The following MACROD2 variants were observed in gnomAD, a reference collection of about 807,000 sequenced individuals.
The protein encoded by MACROD2 is ADP-ribose glycohydrolase MACROD2.
MACROD2 carries 36 observed loss-of-function variants against 70.4 expected under a neutral mutation model. That is an observed-to-expected ratio of 0.51 (90% CI 0.39 to 0.68). The LOEUF (loss-of-function observed/expected upper bound fraction) is 0.68, where lower values mean the gene tolerates loss of function less well. Ranked by LOEUF, MACROD2 falls within the 30% of genes least tolerant of loss-of-function variation. The pLI is 0.00. For synonymous variants in MACROD2, 172 were observed against 178.8 expected (o/e 0.96, Z 0.30); for missense variants, 496 against 538.4 (o/e 0.92, Z 0.78).
At chr20:14,712,520 T>C (rs2071350220) in intron 5 of MACROD2, among the ~76,000 whole-genome samples, 1 of 152,326 alleles carries the variant, frequency 6.6e-6, no homozygotes, top group Admixed American at 6.5e-5. Context: ...ATAGTCACTG[T>C]TGAGACATTT....
At chr20:14,992,050 T>G (rs564729899) in intron 5 of MACROD2, among the ~76,000 whole-genome samples, 1 of 152,184 alleles carries the variant, frequency 6.6e-6, no homozygotes, top group Non-Finnish European at 1.5e-5. Flanking sequence ...CGCATATATG[T>G]ACACATAACT....
At chr20:14,563,781 T>C (rs1187101197) in intron 4 of MACROD2, among the ~76,000 whole-genome samples, 5 of 151,972 alleles carry the variant, frequency 3.3e-5, no homozygotes, top group South Asian at 2.1e-4. Context: ...GTTATTAACA[T>C]TGACAGTCAA....
At chr20:15,351,768 C>T (rs552079510) in intron 6 of MACROD2, among the ~76,000 whole-genome samples, 6 of 152,302 alleles carry the variant, frequency 3.9e-5, no homozygotes, top group African/African-American at 1.4e-4. Flanking sequence ...ATCTGGCTAA[C>T]TTTTAGCACA....
intron 5 of MACROD2, among the ~76,000 whole-genome samples, chr20:15,084,200 G>C (rs1435122364): frequency 6.6e-6 from 1 of 151,806 alleles, no homozygotes; most frequent in Admixed American, 6.6e-5. Context: ...CAAGTAGCTG[G>C]AATTAACAGG....
At chr20:15,740,337 C>T (rs1170296367) in intron 8 of MACROD2, among the ~76,000 whole-genome samples, 1 of 152,084 alleles carries the variant, frequency 6.6e-6, no homozygotes, top group Non-Finnish European at 1.5e-5. Flanking sequence ...TTGTAACAGC[C>T]TAGTACGATT....
At chr20:15,097,878 C>G (rs752504524) in intron 5 of MACROD2, among the ~76,000 whole-genome samples, 1 of 152,184 alleles carries the variant, frequency 6.6e-6, no homozygotes, top group Non-Finnish European at 1.5e-5. Context: ...ATCCAGAAGT[C>G]TTTGCAGGAG....
intron 5 of MACROD2, among the ~76,000 whole-genome samples, chr20:15,227,851 A>ATTTTTTTTTTTTTTT (rs2076924109): frequency 6.0e-5 from 1 of 16,534 alleles, no homozygotes; most frequent in Non-Finnish European, 1.4e-4. Flanking sequence ...TTTTTTTTTC[A>ATTTTTTTTTTTTTTT]AATTTAATTG....
intron 3 of MACROD2, among the ~76,000 whole-genome samples, chr20:14,299,216 GA>G (rs1326377546): frequency 5.3e-5 from 8 of 152,214 alleles, no homozygotes; most frequent in African/African-American, 1.7e-4. Context: ...ACCCCAGCCT[GA>G]AATTGATGCA....
intron 8 of MACROD2, among the ~76,000 whole-genome samples, chr20:15,673,207 T>C (rs1359117948): frequency 6.6e-6 from 1 of 152,226 alleles, no homozygotes; most frequent in Non-Finnish European, 1.5e-5. Flanking sequence ...TATGGGATCC[T>C]TCTGACATTT....
intron 4 of MACROD2, among the ~76,000 whole-genome samples, chr20:14,533,403 A>G (rs1426456288): frequency 6.6e-6 from 1 of 152,232 alleles, no homozygotes; most frequent in Non-Finnish European, 1.5e-5. Context: ...AGCTATAAGA[A>G]GCACATAGCC....
intron 4 of MACROD2, among the ~76,000 whole-genome samples, chr20:14,598,257 T>C (rs1214286821): frequency 6.6e-6 from 1 of 152,182 alleles, no homozygotes; most frequent in African/African-American, 2.4e-5. Context: ...TTTTCTGATA[T>C]TTGTGGTTTA....
intron 5 of MACROD2, among the ~76,000 whole-genome samples, chr20:15,159,188 A>AT (rs1219955275): frequency 6.6e-6 from 1 of 152,028 alleles, no homozygotes; most frequent in Non-Finnish European, 1.5e-5. Flanking sequence ...TTTTTCTCTT[A>AT]TTTTTCATAA....
At chr20:15,274,439 C>T (rs961610932) in intron 6 of MACROD2, among the ~76,000 whole-genome samples, 29 of 152,322 alleles carry the variant, frequency 1.9e-4, no homozygotes, top group African/African-American at 6.3e-4. Context: ...TAGTCTTTCT[C>T]CTGGTTCTTA....
intron 3 of MACROD2, among the ~76,000 whole-genome samples, chr20:14,276,278 C>T (rs1470410601): frequency 6.6e-6 from 1 of 150,448 alleles, no homozygotes; most frequent in Non-Finnish European, 1.5e-5. Flanking sequence ...ACATATACAC[C>T]ATGGAATACT....
At chr20:15,333,154 A>G (rs1433470955) in intron 6 of MACROD2, among the ~76,000 whole-genome samples, 1 of 151,656 alleles carries the variant, frequency 6.6e-6, no homozygotes, top group South Asian at 2.1e-4. Flanking sequence ...GGCATCTTCT[A>G]CATCAACCTG....
intron 8 of MACROD2, among the ~76,000 whole-genome samples, chr20:15,718,385 C>T (rs1463479760): frequency 6.6e-6 from 1 of 152,152 alleles, no homozygotes; most frequent in Non-Finnish European, 1.5e-5. Context: ...ACATTGGCTC[C>T]CAACTGTATA....
chr20:14,011,727 C>A (rs1485190809), intron 2 of MACROD2, among the ~76,000 whole-genome samples: 2 of 152,044 alleles, frequency 1.3e-5, no homozygotes, highest in Non-Finnish European at 2.9e-5. Flanking sequence ...GACAGGGTTT[C>A]ACCGTGTTAG....
intron 5 of MACROD2, among the ~76,000 whole-genome samples, chr20:15,004,324 T>C (rs2075019097): frequency 6.6e-6 from 1 of 152,180 alleles, no homozygotes; most frequent in Non-Finnish European, 1.5e-5. Context: ...TTTAGTCAGG[T>C]TGACAGAAGC....
At chr20:15,707,094 A>G (rs2050545452) in intron 8 of MACROD2, among the ~76,000 whole-genome samples, 1 of 152,238 alleles carries the variant, frequency 6.6e-6, no homozygotes, top group Non-Finnish European at 1.5e-5. Flanking sequence ...ACACAGTAAC[A>G]TATTCATTTT....
Sources: allele counts gnomAD v4.1 joint callset (sites outside exome capture counted in the v4.1 genomes callset), GRCh38; gene constraint gnomAD v4.1.1; transcripts MANE v1.5; gene names NCBI Gene and HGNC (gene_info 2026-07-23, HGNC 2026-07-21).